The following PI4K2B variants were observed in gnomAD, a reference collection of about 807,000 sequenced individuals.
PI4K2B encodes phosphatidylinositol 4-kinase type 2-beta.
In PI4K2B, 46 loss-of-function variants were observed where a neutral mutation model predicts 56.6. The observed-to-expected ratio is 0.81, with a 90% CI of 0.64 to 1.04. The LOEUF (loss-of-function observed/expected upper bound fraction) is 1.04, where lower values mean the gene tolerates loss of function less well. Among genes scored for constraint, PI4K2B ranks in the 50% least tolerant of loss-of-function variants. The pLI, the probability that PI4K2B is intolerant of heterozygous loss-of-function variation, is 0.00. For synonymous variants in PI4K2B, 211 were observed against 223.8 expected, an observed-to-expected ratio of 0.94 and a Z score of 0.51; for missense variants, 556 against 607.7, an observed-to-expected ratio of 0.91 and a Z score of 0.89.
intron 7 of PI4K2B, chr4:25,267,800 G>A: frequency 1.4e-5 from 14 of 978,096 alleles, no homozygotes; most frequent in Non-Finnish European, 1.7e-5. Flanking sequence ...TGGATCTTTT[G>A]TCTCTTAAAA....
At position 25,234,082 on chromosome 4, in the gene PI4K2B, C is replaced by G. The variant is rs1000660363; in HGVS notation, c.-82C>G. 1.4e-4 allele frequency: 165 copies of G among 1,164,820 alleles called. No homozygotes were observed. The African/African-American group carries it at 2.5e-3, about 17-fold the overall frequency. 72.2% of individuals were successfully genotyped at this position (1,164,820 alleles called of 1,614,324 possible). ...TGGCGTCCGTTCTACCCGGTCGCTCCCGTTCCGCGCCATGCAGAGCCCAGT... is the reference window on the plus strand; with the variant it reads ...TGGCGTCCGTTCTACCCGGTCGCTCGCGTTCCGCGCCATGCAGAGCCCAGT... On this transcript the variant is annotated 5_prime_UTR_variant, in exon 1 of 10. Transcript: ENST00000264864.
chr4:25,247,815 C>T (rs1293353178), intron 1 of PI4K2B, among the ~76,000 whole-genome samples: 1 of 152,120 alleles, frequency 6.6e-6, no homozygotes, highest in Non-Finnish European at 1.5e-5. Context: ...GTGATCCTCC[C>T]ACCTTAGCCT....
At chr4:25,274,622 TCTC>T (rs934024692) in intron 9 of PI4K2B, among the ~76,000 whole-genome samples, 1 of 152,084 alleles carries the variant, frequency 6.6e-6, no homozygotes, top group African/African-American at 2.4e-5. Context: ...GGTCCCCTCT[TCTC>T]CCCAACACCG....
rs1352150298 is a variant in PI4K2B at position 25,278,780 on chromosome 4, T to C, written c.*1593T>C. 1 of 152,666 alleles carries C rather than the reference T, an allele frequency of 6.6e-6. No individual in the cohort carries two copies. Among genetic ancestry groups the C allele is most frequent in the Non-Finnish European group, 1.5e-5 (1 of 68,042 alleles). 9.5% of individuals were successfully genotyped at this position (152,666 alleles called of 1,614,324 possible). Reference sequence around the variant, plus strand: ...TACGTTGCAGTGATGTGGGTACTGCTTTCATAAAACAGTTTTTTCAGTATT... The same window carrying C: ...TACGTTGCAGTGATGTGGGTACTGCCTTCATAAAACAGTTTTTTCAGTATT... On this transcript the variant is annotated 3_prime_UTR_variant, in exon 10 of 10. Coordinates refer to ENST00000264864, the MANE Select transcript of PI4K2B (RefSeq NM_018323.4).
At chr4:25,250,415 G>C (rs985209196) in intron 1 of PI4K2B, 11 of 152,254 alleles carry the variant, frequency 7.2e-5, no homozygotes, top group African/African-American at 2.7e-4. Context: ...CAGACACATA[G>C]AGGGGAACAA....
intron 1 of PI4K2B, among the ~76,000 whole-genome samples, chr4:25,244,443 C>G (rs571876693): frequency 6.6e-6 from 1 of 152,170 alleles, no homozygotes; most frequent in East Asian, 1.9e-4. Context: ...TAAGGTATTT[C>G]ACTTCATTTG....
chr4:25,264,325 A>G (rs569257549), intron 7 of PI4K2B, among the ~76,000 whole-genome samples: 1 of 152,182 alleles, frequency 6.6e-6, no homozygotes, highest in South Asian at 2.1e-4. Context: ...TTTTGCTTAA[A>G]ATTTTCCATG....
Position 25,269,189 on chromosome 4 carries a change from G to A in PI4K2B, c.1258G>A (p.Val420Met), listed in dbSNP as rs374999824. The A allele has an allele frequency of 2.6e-6, 4 of 1,558,782 alleles. No individual in the cohort carries two copies. Among genetic ancestry groups the A allele is most frequent in the Non-Finnish European group, 3.5e-6 (4 of 1,130,200 alleles). Residue 420 changes from valine to methionine, a missense_variant, in exon 9 of 10, where the codon GTG (valine) becomes ATG (methionine). Physicochemically the swap from Val to Met is conservative, Grantham distance 21 (BLOSUM62 1). Transcript: ENST00000264864. Reference protein sequence around the residue: ...DKATFESQMSVMRGQILNLTQ... With the variant: ...DKATFESQMSMMRGQILNLTQ... ...AGCCACTTTTGAAAGTCAGATGTCT[G>A]TGATGAGGGGTCAGGTAAGTTACCT...
chr4:25,261,925 G>T (rs12511485), intron 6 of PI4K2B, among the ~76,000 whole-genome samples: 78,506 of 151,874 alleles, frequency 0.52, 21,447 homozygotes, highest in Non-Finnish European at 0.61. Flanking sequence ...TTGTAAATAG[G>T]AAAGAATAGT....
At chr4:25,268,334 C>T (rs1716741195) in intron 7 of PI4K2B, 109 bp from the exon 8 acceptor site, 2 of 854,990 alleles carry the variant, frequency 2.3e-6, no homozygotes, top group African/African-American at 3.4e-5. Flanking sequence ...AGTTCTTATC[C>T]TGTCCTTTTT....
At chr4:25,275,932 A>G (rs553266707) in intron 9 of PI4K2B, among the ~76,000 whole-genome samples, 66 of 152,288 alleles carry the variant, frequency 4.3e-4, no homozygotes, top group African/African-American at 1.5e-3. Flanking sequence ...GCAAGACCCC[A>G]TCTCTACAAT....
At chr4:25,247,983 G>A (rs1029995639) in intron 1 of PI4K2B, among the ~76,000 whole-genome samples, 6 of 152,138 alleles carry the variant, frequency 3.9e-5, no homozygotes, top group African/African-American at 1.2e-4. Flanking sequence ...GATTACAGGC[G>A]TGAGCCACTG....
intron 7 of PI4K2B, among the ~76,000 whole-genome samples, chr4:25,265,989 C>T (rs1167674932): frequency 1.3e-5 from 2 of 148,524 alleles, no homozygotes; most frequent in Non-Finnish European, 3.0e-5. Context: ...TTGTATTTCA[C>T]GTGTGTAGAG....
rs138316278 is a variant in PI4K2B, at chr4:25,247,970, T to A, written c.269-4351T>A. On this transcript the variant is annotated intron_variant, in intron 1 of 9. Coordinates refer to ENST00000264864, the MANE Select transcript of PI4K2B (RefSeq NM_018323.4). Reference sequence around the variant, plus strand: ...CTCCTGCCTCAGTCTCCCAACATGCTGGGATTACAGGCGTGAGCCACTGCA... The same window carrying A: ...CTCCTGCCTCAGTCTCCCAACATGCAGGGATTACAGGCGTGAGCCACTGCA... Among the ~76,000 whole-genome samples, 486 of 152,340 alleles carry A rather than the reference T, an allele frequency of 3.2e-3. 1 individual carries two copies. Among genetic ancestry groups the A allele is most frequent in the African/African-American group, 0.011 (469 of 41,574 alleles).
chr4:25,275,019 G>A (rs757729513), intron 9 of PI4K2B, among the ~76,000 whole-genome samples: 1 of 151,884 alleles, frequency 6.6e-6, no homozygotes, highest in Non-Finnish European at 1.5e-5. Flanking sequence ...GGTCAGGCTG[G>A]TCTCAAACTC....
At chr4:25,276,693 G>T (rs901649955) in intron 9 of PI4K2B, 45 of 983,876 alleles carry the variant, frequency 4.6e-5, no homozygotes, top group Admixed American at 1.2e-4. Flanking sequence ...GAATATGTAT[G>T]TAGACCTCTT....
In PI4K2B at chr4:25,268,500, G is replaced by A. The variant is rs373464866; in HGVS notation, c.1136G>A (p.Arg379Lys). 5.6e-6 allele frequency: 9 copies of A among 1,601,136 alleles called. No homozygotes were observed. In the African/African-American group the frequency reaches 6.7e-5, roughly 12 times the overall value. The change falls in exon 8 of 10, where the codon AGA (arginine) becomes AAA (lysine). Residue 379 changes from arginine to lysine, a missense_variant. Coordinates refer to ENST00000264864, the MANE Select transcript of PI4K2B (RefSeq NM_018323.4). ...AAAGTTCCCTTTTCTGAAGAAATAAGAAATTTGATTCTACCATATATTTCT... is the reference window on the plus strand; with the variant it reads ...AAAGTTCCCTTTTCTGAAGAAATAAAAAATTTGATTCTACCATATATTTCT... ...QAKVPFSEEI[R>K]NLILPYISDM...
intron 9 of PI4K2B, among the ~76,000 whole-genome samples, chr4:25,274,359 A>G (rs1354007266): frequency 6.6e-6 from 1 of 152,168 alleles, no homozygotes; most frequent in East Asian, 1.9e-4. Flanking sequence ...GGAGAAGTCT[A>G]GTGTCTCCCC....
At chr4:25,274,437 G>A (rs1428938327) in intron 9 of PI4K2B, among the ~76,000 whole-genome samples, 7 of 152,160 alleles carry the variant, frequency 4.6e-5, no homozygotes. Context: ...GATAGTAATA[G>A]ATTTGTTATT....
Sources: gnomAD v4.1 joint callset for allele counts (sites outside exome capture counted in the v4.1 genomes callset) on GRCh38, gnomAD v4.1.1 for gene constraint, MANE v1.5 for transcripts, NCBI Gene and HGNC (gene_info 2026-07-23, HGNC 2026-07-21) for gene names.